SRRM4: variants seen among roughly 807,000 people sequenced by gnomAD.
SRRM4 encodes serine/arginine repetitive matrix protein 4.
SRRM4 carries 33 observed loss-of-function variants against 68.9 expected under a neutral mutation model. The observed-to-expected ratio is 0.48, with a 90% CI of 0.36 to 0.64. The LOEUF (loss-of-function observed/expected upper bound fraction) is 0.64, where lower values mean the gene tolerates loss of function less well. Ranked by LOEUF, SRRM4 falls within the 30% of genes least tolerant of loss-of-function variation. The pLI, the probability that SRRM4 is intolerant of heterozygous loss-of-function variation, is 0.00. For missense variants in SRRM4, 817 were observed against 827.1 expected (o/e 0.99, Z 0.15); for synonymous variants, 318 against 318.8 (o/e 1.00, Z 0.03).
intron 1 of SRRM4, among the ~76,000 whole-genome samples, chr12:119,033,438 G>A (rs1953605214): frequency 6.6e-6 from 1 of 152,094 alleles, no homozygotes; most frequent in Non-Finnish European, 1.5e-5. Context: ...GACGGAGGTG[G>A]GCAGATCACG....
At position 119,122,292 on chromosome 12, in the gene SRRM4, C is replaced by CAGGAAGGCAGGAAGGCAGGA. The variant is rs1215630082; in HGVS notation, c.515+179_515+180insCAGGAAGGCAGGAAGGAAGG. 8.3e-4 allele frequency among the ~76,000 whole-genome samples: 58 copies of CAGGAAGGCAGGAAGGCAGGA among 69,686 alleles called. 1 individual carries two copies. The highest frequency in any genetic ancestry group is 3.4e-3 in the African/African-American group (53 of 15,764). 45.7% of individuals were successfully genotyped at this position (69,686 alleles called of 152,430 possible). ...GCAGGAAGGCAGGAAGGCAGGAAGG[C>CAGGAAGGCAGGAAGGCAGGA]AGGAAGGAAGGAAGGAAGGAAGGAA... is the stretch of plus-strand genomic sequence containing the variant. On this transcript the variant is annotated intron_variant, in intron 6 of 12. Transcript: ENST00000267260.
At chr12:119,096,766 G>A (rs1954047973) in intron 1 of SRRM4, among the ~76,000 whole-genome samples, 1 of 152,186 alleles carries the variant, frequency 6.6e-6, no homozygotes, top group Non-Finnish European at 1.5e-5. Context: ...TAGTGCTTGG[G>A]GCATGAGGAT....
At chr12:119,004,378 T>C (rs1189998909) in intron 1 of SRRM4, among the ~76,000 whole-genome samples, 1 of 152,030 alleles carries the variant, frequency 6.6e-6, no homozygotes, top group Non-Finnish European at 1.5e-5. Flanking sequence ...GTTTTCTATC[T>C]GTCTCCCAAA....
chr12:119,069,135 G>A (rs1229583329), intron 1 of SRRM4, among the ~76,000 whole-genome samples: 2 of 152,134 alleles, frequency 1.3e-5, no homozygotes, highest in Admixed American at 6.6e-5. Flanking sequence ...AAATAGAAAC[G>A]GGAGAGCCCT....
At chr12:119,153,262 T>C (rs1303063138) in intron 10 of SRRM4, among the ~76,000 whole-genome samples, 2 of 152,186 alleles carry the variant, frequency 1.3e-5, no homozygotes, top group Admixed American at 6.5e-5. Context: ...CTGCATTTTA[T>C]AGACAAGAAA....
At chr12:119,156,365 A>AAAGGGAGTATTTTTTCCT in intron 12 of SRRM4, 130 bp from the exon 13 acceptor site, 1 of 1,376,568 alleles carries the variant, frequency 7.3e-7, no homozygotes, top group Non-Finnish European at 9.7e-7. Flanking sequence ...AGAGAAGTGG[A>AAAGGGAGTATTTTTTCCT]AAGGGAGTAT....
In SRRM4 at chr12:119,159,814, C is replaced by T. The variant is rs980420559; in HGVS notation, c.*3016C>T. 1 of 150,318 alleles carries T rather than the reference C, an allele frequency of 6.7e-6. No individual in the cohort carries two copies. Among genetic ancestry groups the T allele is most frequent in the Non-Finnish European group, 1.5e-5 (1 of 67,734 alleles). 9.3% of individuals were successfully genotyped at this position (150,318 alleles called of 1,614,324 possible). A position where few individuals can be genotyped will look rare whatever the true frequency, so the allele number is the denominator to read the frequency against. On this transcript the variant is annotated 3_prime_UTR_variant, in exon 13 of 13. Transcript: ENST00000267260. Reference sequence around the variant, plus strand: ...TGCTTGAGAACCACCAAGCCAAAAGCAAAAGCTTTTATCTATGATCTCTTG... The same window carrying T: ...TGCTTGAGAACCACCAAGCCAAAAGTAAAAGCTTTTATCTATGATCTCTTG...
In SRRM4 at chr12:119,075,926, G is replaced by A. The variant is rs139188405; in HGVS notation, c.132-26310G>A. On this transcript the variant is annotated intron_variant, in intron 1 of 12. Coordinates refer to ENST00000267260, the MANE Select transcript of SRRM4 (RefSeq NM_194286.4). ...GATGATGGTGATGATGATGATGATG[G>A]TGGTGATGGTGATGATGATGGTGGT... is the stretch of plus-strand genomic sequence containing the variant. Among the ~76,000 whole-genome samples the A allele has an allele frequency of 3.0e-3, 187 of 61,954 alleles. 2 individuals carry two copies. The highest frequency in any genetic ancestry group is 0.012 in the African/African-American group (172 of 14,754). The allele number at this position is 61,954 out of a possible 152,430, so 40.6% of individuals were successfully genotyped here.
chr12:118,982,814 G>A (rs2135985934), intron 1 of SRRM4, among the ~76,000 whole-genome samples: 1 of 152,070 alleles, frequency 6.6e-6, no homozygotes, highest in South Asian at 2.1e-4. Flanking sequence ...GGGAACAGGA[G>A]GTGGGGTGAG....
chr12:119,058,366 C>CACTG (rs1486773557), intron 1 of SRRM4, among the ~76,000 whole-genome samples: 1 of 152,158 alleles, frequency 6.6e-6, no homozygotes, highest in Non-Finnish European at 1.5e-5. Flanking sequence ...GTACCCCAGA[C>CACTG]ACTGTATTCA....
rs1472150412 is a variant in SRRM4, at chr12:119,130,543, G to A, written c.615-135G>A. The A allele has an allele frequency of 1.4e-5, 11 of 784,528 alleles. No homozygotes were observed. In the East Asian group the frequency reaches 3.1e-4, roughly 22 times the overall value. 48.6% of individuals were successfully genotyped at this position (784,528 alleles called of 1,614,324 possible). A position where few individuals can be genotyped will look rare whatever the true frequency, so the allele number is the denominator to read the frequency against. On this transcript the variant is annotated intron_variant, in intron 7 of 12. Transcript: ENST00000267260. ...TACACACACATGCAGACATACCTAG[G>A]AACAATATCACATATGAACATATAC...
intron 1 of SRRM4, among the ~76,000 whole-genome samples, chr12:119,086,284 A>G (rs116114784): frequency 7.2e-5 from 11 of 152,262 alleles, no homozygotes; most frequent in African/African-American, 2.6e-4. Context: ...GGCTATGAAT[A>G]TGCAGTTCCT....
rs202169854 is a variant in SRRM4, at chr12:119,151,199, G to C, written c.1259G>C (p.Arg420Pro). 18 of 1,613,850 alleles carry C rather than the reference G, an allele frequency of 1.1e-5. No individual in the cohort carries two copies. The highest frequency in any genetic ancestry group is 1.5e-5 in the Non-Finnish European group (18 of 1,179,852). ...PRASPRYTQS[R>P]STSSEKRSYS... Reference sequence around the variant, plus strand: ...GCTTCCCCCAGGTACACCCAAAGCCGATCCACCTCTTCTGAAAAAAGGTGA... The same window carrying C: ...GCTTCCCCCAGGTACACCCAAAGCCCATCCACCTCTTCTGAAAAAAGGTGA... The change falls in exon 10 of 13, where the codon CGA becomes CCA. Residue 420 changes from arginine (R) to proline (P), a missense_variant. Arg to Pro is a moderately radical substitution (Grantham distance 103). Transcript: ENST00000267260.
At chr12:119,010,869 C>T (rs964830018) in intron 1 of SRRM4, among the ~76,000 whole-genome samples, 45 of 152,160 alleles carry the variant, frequency 3.0e-4, no homozygotes, top group African/African-American at 1.1e-3. Context: ...GCAGTAAATT[C>T]ATGTGTATTA....
intron 8 of SRRM4, among the ~76,000 whole-genome samples, chr12:119,135,468 C>T (rs1954322382): frequency 6.6e-6 from 1 of 152,162 alleles, no homozygotes; most frequent in South Asian, 2.1e-4. Context: ...AAAAGAGGAT[C>T]TCATGAAATT....
At chr12:119,081,558 T>G (rs1953947906) in intron 1 of SRRM4, among the ~76,000 whole-genome samples, 1 of 152,076 alleles carries the variant, frequency 6.6e-6, no homozygotes, top group Non-Finnish European at 1.5e-5. Flanking sequence ...GTGTAGACCT[T>G]GTAGTTACTT....
Position 119,159,309 on chromosome 12 carries a change from A to G in SRRM4, c.*2511A>G, listed in dbSNP as rs1171750754. On this transcript the variant is annotated 3_prime_UTR_variant, in exon 13 of 13. Coordinates refer to ENST00000267260, the MANE Select transcript of SRRM4 (RefSeq NM_194286.4). Reference sequence around the variant, plus strand: ...CAGAGGCTTATGAGCTACAGTGATGAATTGACACAGTGGAGTTGCAACTTA... The same window carrying G: ...CAGAGGCTTATGAGCTACAGTGATGGATTGACACAGTGGAGTTGCAACTTA... 1 of 152,286 alleles carries G rather than the reference A, an allele frequency of 6.6e-6. No homozygotes were observed. 9.4% of individuals were successfully genotyped at this position (152,286 alleles called of 1,614,324 possible).
intron 1 of SRRM4, among the ~76,000 whole-genome samples, chr12:119,033,880 C>T (rs1953609396): frequency 6.6e-6 from 1 of 152,098 alleles, no homozygotes; most frequent in African/African-American, 2.4e-5. Context: ...TCAAAGTTGG[C>T]TACAGTTAAA....
At chr12:119,022,591 C>T (rs368999042) in intron 1 of SRRM4, among the ~76,000 whole-genome samples, 2 of 152,164 alleles carry the variant, frequency 1.3e-5, no homozygotes, top group African/African-American at 2.4e-5. Context: ...ATTTCATGTA[C>T]CCTGGAGCTG....
Sources: gnomAD v4.1 joint callset for allele counts (sites outside exome capture counted in the v4.1 genomes callset) on GRCh38, gnomAD v4.1.1 for gene constraint, MANE v1.5 for transcripts, NCBI Gene and HGNC (gene_info 2026-07-23, HGNC 2026-07-21) for gene names.